POLE: variants seen among roughly 807,000 people sequenced by gnomAD.
POLE encodes the protein DNA polymerase epsilon catalytic subunit A.
A neutral mutation model predicts 279.2 loss-of-function variants in POLE; 188 were observed. The ratio of observed to expected loss-of-function variants is 0.67; its 90% CI spans 0.60 to 0.76. The LOEUF is 0.76. POLE is among the 30% of genes least tolerant of loss of function. The probability of loss-of-function intolerance (pLI) is 0.00; values close to 1 mark genes in which losing one functional copy is unlikely to be tolerated. For synonymous variants in POLE, 1,214 were observed against 1,172.5 expected (o/e 1.04, Z -0.72); for missense variants, 2,703 against 3,016.7 (o/e 0.90, Z 2.44).
chr12:132,658,895 A>AG (rs1261898410), intron 26 of POLE, among the ~76,000 whole-genome samples: 1 of 150,832 alleles, frequency 6.6e-6, no homozygotes, highest in African/African-American at 2.4e-5. Flanking sequence ...AAAAAAAAAA[A>AG]AAAAAAAAAA....
chr12:132,665,235 G>A, intron 21 of POLE, 67 bp downstream of exon 21: 3 of 1,503,122 alleles, frequency 2.0e-6, no homozygotes, highest in Non-Finnish European at 2.8e-6. Context: ...GCCTACACCT[G>A]AAGCTGCCCT....
chr12:132,682,978 C>T (rs1475335063), intron 1 of POLE, among the ~76,000 whole-genome samples: 1 of 151,728 alleles, frequency 6.6e-6, no homozygotes, highest in Admixed American at 6.6e-5. Flanking sequence ...AAAAAAAGAA[C>T]AAGATAAAAA....
rs776085810 is a variant in POLE at position 132,625,644 on chromosome 12, C to T, written c.6657+1G>A. 6.2e-7 allele frequency: 1 copy of T among 1,613,446 alleles called. No individual in the cohort carries two copies. The highest frequency in any genetic ancestry group is 1.7e-5 in the Admixed American group (1 of 60,034). On this transcript the variant is annotated splice_donor_variant, in intron 47 of 48. Coordinates refer to ENST00000320574, the MANE Select transcript of POLE (RefSeq NM_006231.4). LOFTEE classifies it high-confidence loss of function. The stretch of plus-strand genomic sequence containing the variant: ...ACGGGCAGGCGGCATGCACGACTCA[C>T]CAGGTCCTGCAGGGTGAAGGCCATC...
At chr12:132,641,954 G>T in intron 38 of POLE, 103 bp from the exon 39 acceptor site, 1 of 1,160,080 alleles carries the variant, frequency 8.6e-7, no homozygotes, top group Non-Finnish European at 1.3e-6. Flanking sequence ...ACCAGCAACA[G>T]ACCTGCCCAC....
rs200283666 is a variant in POLE, at chr12:132,664,458, G to A, written c.2473C>T (p.Arg825Cys). ...CCAGCCATCTCCATGGAGTACCAGCGAGCCCTGAGAGGACACCACAAACTG... is the reference window on the plus strand; with the variant it reads ...CCAGCCATCTCCATGGAGTACCAGCAAGCCCTGAGAGGACACCACAAACTG... ...FYGYVMRKGARWYSMEMAGIV... is the reference protein window; with the variant it reads ...FYGYVMRKGACWYSMEMAGIV... Residue 825 changes from arginine (R) to cysteine (C), a missense_variant, in exon 22 of 49, where the codon CGC (arginine) becomes TGC (cysteine). Transcript: ENST00000320574. The surrounding 1 kb of genome is among the most constrained non-coding windows in gnomAD (Gnocchi z 5.3). The A allele has an allele frequency of 3.0e-5, 48 of 1,613,496 alleles. No individual in the cohort carries two copies. Among genetic ancestry groups the A allele is most frequent in the African/African-American group, 5.3e-5 (4 of 74,892 alleles).
chr12:132,646,039 TG>T (rs1410804012), intron 32 of POLE, among the ~76,000 whole-genome samples: 2 of 152,194 alleles, frequency 1.3e-5, no homozygotes, highest in Non-Finnish European at 2.9e-5. Context: ...AAGGTGAGCC[TG>T]GCCTCTCTTA....
intron 12 of POLE, among the ~76,000 whole-genome samples, chr12:132,674,203 GC>G (rs5744767): frequency 0.53 from 81,043 of 151,628 alleles, 22,897 homozygotes; most frequent in African/African-American, 0.71. Context: ...AGAAAAGAAG[GC>G]CCCCCACACT....
intron 23 of POLE, among the ~76,000 whole-genome samples, chr12:132,663,432 A>G (rs2042722395): frequency 6.6e-6 from 1 of 152,252 alleles, no homozygotes; most frequent in African/African-American, 2.4e-5. Flanking sequence ...AAATCACCTC[A>G]GTCTAGTCAC....
At chr12:132,658,746 T>G (rs5744873) in intron 26 of POLE, 106,764 of 156,254 alleles carry the variant, frequency 0.68, 37,702 homozygotes, top group African/African-American at 0.86. Context: ...CTGACTTCCT[T>G]TGTGAGACGA....
intron 42 of POLE, 128 bp downstream of exon 42, chr12:132,635,764 G>T: frequency 2.3e-6 from 2 of 885,784 alleles, no homozygotes; most frequent in South Asian, 1.7e-5. Flanking sequence ...TGTTCATGAG[G>T]GCAGGATGCG....
rs1372697013 is a variant in POLE at position 132,643,819 on chromosome 12, G to A, written c.4290+18C>T. 3 of 1,610,486 alleles carry A rather than the reference G, an allele frequency of 1.9e-6. No individual in the cohort carries two copies. Among genetic ancestry groups the A allele is most frequent in the South Asian group, 2.2e-5 (2 of 90,890 alleles). On this transcript the variant is annotated intron_variant, in intron 33 of 48. Transcript: ENST00000320574. ...CTGGAGCCTCCCCCAGTTCAGTCGAGGGTGGCTGGGGAGTCACCTGAGTCT... is the reference window on the plus strand; with the variant it reads ...CTGGAGCCTCCCCCAGTTCAGTCGAAGGTGGCTGGGGAGTCACCTGAGTCT...
rs778456846 is a variant in POLE at position 132,626,188 on chromosome 12, G to A, written c.6460C>T (p.Pro2154Ser). ...TTACAGCTGCGGCAGATGACCTCAG[G>A]AAGCACGTAGGAGCGGCAGGGGTCT... ...FRDPCRSYVLPEVICRSCNFC... is the reference protein window; with the variant it reads ...FRDPCRSYVLSEVICRSCNFC... The change falls in exon 46 of 49, where the codon CCT becomes TCT. Residue 2154 changes from proline to serine, a missense_variant. Coordinates refer to ENST00000320574, the MANE Select transcript of POLE (RefSeq NM_006231.4). 1.1e-5 allele frequency: 18 copies of A among 1,613,556 alleles called. No individual in the cohort carries two copies. Among genetic ancestry groups the A allele is most frequent in the Non-Finnish European group, 1.5e-5 (18 of 1,179,860 alleles).
At chr12:132,631,883 T>G (rs1342745640) in intron 45 of POLE, among the ~76,000 whole-genome samples, 24 of 151,910 alleles carry the variant, frequency 1.6e-4, no homozygotes, top group Admixed American at 1.5e-3. Context: ...ACAGGCTCCA[T>G]CCCCACAGCA....
intron 32 of POLE, 70 bp from the exon 33 acceptor site, chr12:132,644,047 A>T (rs1311671426): frequency 6.6e-7 from 1 of 1,518,518 alleles, no homozygotes; most frequent in South Asian, 1.2e-5. Flanking sequence ...CACACAAAGC[A>T]CACGCTATTC....
chr12:132,673,807 T>A (rs2136001982), intron 12 of POLE, 100 bp from the exon 13 acceptor site: 1 of 1,411,896 alleles, frequency 7.1e-7, no homozygotes, highest in Non-Finnish European at 9.8e-7. Flanking sequence ...CAGATGCAAG[T>A]TCCTAACAGG....
chr12:132,679,547 C>G lies in POLE; in HGVS notation c.528G>C (p.Lys176Asn). 6.2e-7 allele frequency: 1 copy of G among 1,614,088 alleles called. No individual in the cohort carries two copies. The highest frequency in any genetic ancestry group is 8.5e-7 in the Non-Finnish European group (1 of 1,179,952). Reference protein sequence around the residue: ...VRKEISPAVKKNREQDHASDA... With the variant: ...VRKEISPAVKNNREQDHASDA... Reference sequence around the variant, plus strand: ...CGCTGGCGTGATCCTGCTCCCTGTTCTTCTTCACGGCAGGGGAGATCTCCT... The same window carrying G: ...CGCTGGCGTGATCCTGCTCCCTGTTGTTCTTCACGGCAGGGGAGATCTCCT... The change falls in exon 6 of 49, where the codon AAG (lysine) becomes AAC (asparagine). Residue 176 changes from lysine (K) to asparagine (N), a missense_variant. Around this residue, in one of 5 missense-constraint regions of POLE, gnomAD observed 1,011 missense variants for 1,111.7 expected, o/e 0.91. Coordinates refer to ENST00000320574, the MANE Select transcript of POLE (RefSeq NM_006231.4).
At chr12:132,658,052 G>A (rs768292144) in intron 26 of POLE, 82 bp from the exon 27 acceptor site, 259 of 878,832 alleles carry the variant, frequency 2.9e-4, no homozygotes, top group Non-Finnish European at 4.5e-4. Flanking sequence ...AAATGAACAT[G>A]GAAATAAGGA....
At chr12:132,635,287 G>A (rs943244571) in intron 42 of POLE, among the ~76,000 whole-genome samples, 5 of 152,094 alleles carry the variant, frequency 3.3e-5, no homozygotes, top group African/African-American at 7.2e-5. Context: ...ACACACATCC[G>A]ATCCGCTGGC....
Position 132,643,923 on chromosome 12 carries a change from C to G in POLE, c.4204G>C (p.Val1402Leu), listed in dbSNP as rs767191767. 2.5e-6 allele frequency: 4 copies of G among 1,614,160 alleles called. No homozygotes were observed. In the South Asian group the frequency reaches 4.4e-5, roughly 18 times the overall value. ...NMVYNLYEYSVPEDMYQEHIN... is the reference protein window; with the variant it reads ...NMVYNLYEYSLPEDMYQEHIN... Reference sequence around the variant, plus strand: ...TGTTCCTGGTACATGTCCTCTGGCACTGAATACTCATAGAGATTGTAGACC... The same window carrying G: ...TGTTCCTGGTACATGTCCTCTGGCAGTGAATACTCATAGAGATTGTAGACC... The change falls in exon 33 of 49, where the codon GTG becomes CTG. Residue 1402 changes from valine (V) to leucine (L), a missense_variant. Val to Leu is a conservative substitution (Grantham distance 32, BLOSUM62 1). This residue lies in a region of POLE where 1,551 missense variants were observed against 1,686.1 expected (regional missense o/e 0.92). Coordinates refer to ENST00000320574, the MANE Select transcript of POLE (RefSeq NM_006231.4).
Sources: gnomAD v4.1 joint callset for allele counts (sites outside exome capture counted in the v4.1 genomes callset) on GRCh38, gnomAD v4.1.1 for gene constraint, gnomAD v4.1.1 regional missense constraint, Gnocchi (gnomAD v3.1) non-coding constraint, MANE v1.5 for transcripts, NCBI Gene and HGNC (gene_info 2026-07-23, HGNC 2026-07-21) for gene names.